PMP22: variants seen among roughly 807,000 people sequenced by gnomAD.
PMP22 encodes peripheral myelin protein 22, also known as Charcot-Marie-Tooth neuropathy 1A (greatly reduced nerve conduction velocity, hereditary motor sensory neuropathy Ia).
Under a neutral mutation model 18.9 loss-of-function variants are expected in PMP22, and 2 were observed. The ratio of observed to expected loss-of-function variants is 0.11; its 90% CI spans 0.04 to 0.33. The LOEUF (loss-of-function observed/expected upper bound fraction) is 0.33, where lower values mean the gene tolerates loss of function less well. Ranked by LOEUF, PMP22 falls within the 10% of genes least tolerant of loss-of-function variation. The pLI, the probability that PMP22 is intolerant of heterozygous loss-of-function variation, is 1.00. For synonymous variants in PMP22, 95 were observed against 89.2 expected (o/e 1.07, Z -0.37); for missense variants, 169 against 202.2 (o/e 0.84, Z 1.00).
intron 3 of PMP22, among the ~76,000 whole-genome samples, chr17:15,243,124 A>G (rs1907496104): frequency 6.6e-6 from 1 of 152,014 alleles, no homozygotes; most frequent in Admixed American, 6.6e-5. Flanking sequence ...AAGAAGCCAG[A>G]AAAAAAACAA....
chr17:15,259,283 G>A (rs1909100103), intron 2 of PMP22, 90 bp from the exon 3 acceptor site: 2 of 1,035,114 alleles, frequency 1.9e-6, no homozygotes, highest in Admixed American at 3.8e-5. Context: ...ATGGCGAAAA[G>A]CACCCGCATC....
intron 3 of PMP22, among the ~76,000 whole-genome samples, chr17:15,245,671 G>T (rs1026242071): frequency 2.0e-5 from 3 of 152,092 alleles, no homozygotes; most frequent in Non-Finnish European, 4.4e-5. Flanking sequence ...GAGGGGCCAG[G>T]TTCTGGAGCA....
intron 4 of PMP22, chr17:15,239,244 A>T: frequency 1.6e-6 from 1 of 623,766 alleles, no homozygotes; most frequent in South Asian, 1.9e-5. Context: ...TCTCTTTCAT[A>T]TGCATCTCAT....
chr17:15,255,873 T>G (rs551949591), intron 3 of PMP22, among the ~76,000 whole-genome samples: 1 of 152,200 alleles, frequency 6.6e-6, no homozygotes, highest in African/African-American at 2.4e-5. Flanking sequence ...GCACCTGGCC[T>G]GCTCTGCCTT....
At chr17:15,242,303 T>C (rs1279847149) in intron 3 of PMP22, among the ~76,000 whole-genome samples, 1 of 141,958 alleles carries the variant, frequency 7.0e-6, no homozygotes, top group Non-Finnish European at 1.5e-5. Flanking sequence ...TATTCTAATA[T>C]AATAGATACA....
chr17:15,231,280 T>C (rs1236700833), intron 4 of PMP22, among the ~76,000 whole-genome samples, 200 bp from the exon 5 acceptor site: 1 of 152,216 alleles, frequency 6.6e-6, no homozygotes, highest in Non-Finnish European at 1.5e-5. Flanking sequence ...CTATTTCCAA[T>C]CTTGGCCACC....
At chr17:15,248,239 A>G (rs765225292) in intron 3 of PMP22, among the ~76,000 whole-genome samples, 1 of 152,156 alleles carries the variant, frequency 6.6e-6, no homozygotes, top group Non-Finnish European at 1.5e-5. Context: ...GGAGACAACT[A>G]TGTGCCAGCA....
intron 3 of PMP22, among the ~76,000 whole-genome samples, chr17:15,241,745 G>A (rs1307614344): frequency 6.6e-6 from 1 of 152,068 alleles, no homozygotes; most frequent in African/African-American, 2.4e-5. Context: ...TGAGCTCTTT[G>A]CCATAAGTTA....
In PMP22 at chr17:15,239,650, G is replaced by A. The variant is rs773706369; in HGVS notation, c.179-39C>T. The A allele has an allele frequency of 3.7e-6, 6 of 1,611,360 alleles. No individual in the cohort carries two copies. The Admixed American group carries it at 5.0e-5, about 13-fold the overall frequency. On this transcript the variant is annotated intron_variant, in intron 3 of 4. Coordinates refer to ENST00000312280, the MANE Select transcript of PMP22 (RefSeq NM_000304.4). ...ACACTTGGTTAGGAGAGCTGGCCAT[G>A]GCCGGGGGAGGGCTCTGCCTCGAGG... is the stretch of plus-strand genomic sequence containing the variant.
intron 3 of PMP22, among the ~76,000 whole-genome samples, chr17:15,242,182 G>C (rs1381527612): frequency 1.3e-5 from 2 of 149,186 alleles, no homozygotes; most frequent in Non-Finnish European, 3.0e-5. Flanking sequence ...GAACTCAGGA[G>C]GTGGAGGTTG....
chr17:15,250,017 G>A (rs1440521481), intron 3 of PMP22, among the ~76,000 whole-genome samples: 2 of 152,150 alleles, frequency 1.3e-5, no homozygotes, highest in East Asian at 1.9e-4. Context: ...CCGGGTTCAC[G>A]CCATTCTCCT....
chr17:15,235,018 C>T (rs1950840620), intron 4 of PMP22, among the ~76,000 whole-genome samples: 1 of 152,164 alleles, frequency 6.6e-6, no homozygotes, highest in South Asian at 2.1e-4. Context: ...TGGCATCTCG[C>T]TTTGTTGCCC....
intron 3 of PMP22, among the ~76,000 whole-genome samples, chr17:15,246,272 T>C (rs1193989449): frequency 6.6e-6 from 1 of 152,214 alleles, no homozygotes; most frequent in South Asian, 2.1e-4. Flanking sequence ...TACTCAATTC[T>C]GCCTTTGTAT....
intron 3 of PMP22, among the ~76,000 whole-genome samples, chr17:15,253,352 A>G (rs767070154): frequency 6.6e-6 from 1 of 152,220 alleles, no homozygotes; most frequent in Non-Finnish European, 1.5e-5. Flanking sequence ...AAAGATCTCA[A>G]TGAGGAAAAC....
intron 3 of PMP22, among the ~76,000 whole-genome samples, chr17:15,253,285 C>T (rs1411155168): frequency 1.3e-5 from 2 of 152,168 alleles, no homozygotes; most frequent in Non-Finnish European, 2.9e-5. Flanking sequence ...CTACTTACTA[C>T]TCAAAACCAA....
intron 4 of PMP22, chr17:15,235,381 C>T: frequency 1.4e-6 from 1 of 707,408 alleles, no homozygotes; most frequent in African/African-American, 1.8e-5. Flanking sequence ...TGGGTGTAAG[C>T]AGTAAAATAA....
intron 3 of PMP22, among the ~76,000 whole-genome samples, chr17:15,241,638 T>C (rs1555565601): frequency 2.6e-5 from 4 of 152,242 alleles, no homozygotes; most frequent in Non-Finnish European, 5.9e-5. Flanking sequence ...TAAATCTATA[T>C]AAACAGAAAG....
At chr17:15,255,610 C>G (rs2150702267) in intron 3 of PMP22, among the ~76,000 whole-genome samples, 1 of 152,244 alleles carries the variant, frequency 6.6e-6, no homozygotes, top group South Asian at 2.1e-4. Flanking sequence ...TACTTAAGCC[C>G]CTATCATTTG....
In PMP22 at chr17:15,239,404, T is replaced by G. The variant is rs769123290; in HGVS notation, c.319+67A>C. 9 of 1,559,128 alleles carry G rather than the reference T, an allele frequency of 5.8e-6. No individual in the cohort carries two copies. In the African/African-American group the frequency reaches 8.1e-5, roughly 14 times the overall value. Reference sequence around the variant, plus strand: ...TCATTCTGAGGCCACATCCTTCTACTAAACTAATCATTCCGCAGACTTGGA... The same window carrying G: ...TCATTCTGAGGCCACATCCTTCTACGAAACTAATCATTCCGCAGACTTGGA... On this transcript the variant is annotated intron_variant, in intron 4 of 4. Transcript: ENST00000312280.
Sources: gnomAD v4.1 joint callset for allele counts (sites outside exome capture counted in the v4.1 genomes callset) on GRCh38, gnomAD v4.1.1 for gene constraint, MANE v1.5 for transcripts, NCBI Gene and HGNC (gene_info 2026-07-23, HGNC 2026-07-21) for gene names.